COL21A1: variants seen among roughly 807,000 people sequenced by gnomAD.
COL21A1 encodes the protein collagen alpha-1(XXI) chain.
A neutral mutation model predicts 137.9 loss-of-function variants in COL21A1; 149 were observed. That is an observed-to-expected ratio of 1.08 (90% CI 0.95 to 1.24). The LOEUF (loss-of-function observed/expected upper bound fraction) is 1.24. Among genes scored for constraint, COL21A1 ranks in the 50% most tolerant of loss-of-function variants. The pLI is 0.00. For synonymous variants in COL21A1, 456 were observed against 391.5 expected (o/e 1.16, Z -1.95); for missense variants, 1,167 against 1,158.4 (o/e 1.01, Z -0.11).
chr6:56,071,378 G>A (rs143908354), intron 20 of COL21A1, among the ~76,000 whole-genome samples: 2 of 151,710 alleles, frequency 1.3e-5, no homozygotes, highest in South Asian at 4.2e-4. Flanking sequence ...AGGAAAAGTG[G>A]ATAGAGAAAG....
intron 6 of COL21A1, among the ~76,000 whole-genome samples, chr6:56,167,342 T>G (rs938222879): frequency 6.6e-6 from 1 of 152,170 alleles, no homozygotes; most frequent in African/African-American, 2.4e-5. Context: ...ACATTCCTGA[T>G]GGTATAGGGT....
Position 56,174,849 on chromosome 6 carries a change from A to G in COL21A1, c.641-3721T>C, listed in dbSNP as rs1777331408. Among the ~76,000 whole-genome samples, 2 of 152,104 alleles carry G rather than the reference A, an allele frequency of 1.3e-5. 1 individual carries two copies. The highest frequency in any genetic ancestry group is 4.1e-4 in the South Asian group (2 of 4,838). On this transcript the variant is annotated intron_variant, in intron 3 of 29. Transcript: ENST00000244728. Reference sequence around the variant, plus strand: ...GATACCAAAGCCAGAAAAAGATACCATAATAAAATAAAACTACAAGCCAAT... The same window carrying G: ...GATACCAAAGCCAGAAAAAGATACCGTAATAAAATAAAACTACAAGCCAAT...
At chr6:56,206,162 T>C (rs1472898857) in intron 1 of COL21A1, among the ~76,000 whole-genome samples, 1 of 152,150 alleles carries the variant, frequency 6.6e-6, no homozygotes, top group Admixed American at 6.5e-5. Flanking sequence ...ATGGGCTAAA[T>C]GCCCCAATTA....
At chr6:56,095,203 T>C (rs1055116334) in intron 17 of COL21A1, among the ~76,000 whole-genome samples, 37 of 152,310 alleles carry the variant, frequency 2.4e-4, no homozygotes, top group African/African-American at 8.9e-4. Context: ...TTAGATATGT[T>C]CCATTTAAAC....
At chr6:56,133,685 G>T (rs1034664351) in intron 12 of COL21A1, among the ~76,000 whole-genome samples, 2 of 152,112 alleles carry the variant, frequency 1.3e-5, no homozygotes, top group African/African-American at 2.4e-5. Context: ...GTTTTCATGG[G>T]CCAGAGCCAG....
intron 1 of COL21A1, among the ~76,000 whole-genome samples, chr6:56,267,385 C>T (rs1763415852): frequency 6.6e-6 from 1 of 152,128 alleles, no homozygotes; most frequent in Admixed American, 6.5e-5. Flanking sequence ...GAGATGAGCC[C>T]AGCAACTTGA....
At chr6:56,236,897 C>CTCCCAAAA (rs1425463296) in intron 1 of COL21A1, among the ~76,000 whole-genome samples, 2 of 151,966 alleles carry the variant, frequency 1.3e-5, no homozygotes, top group African/African-American at 4.8e-5. Context: ...ATGAAATATA[C>CTCCCAAAA]AGTAATGACT....
intron 17 of COL21A1, among the ~76,000 whole-genome samples, chr6:56,080,305 G>A (rs1281732395): frequency 1.3e-5 from 2 of 151,684 alleles, no homozygotes; most frequent in Non-Finnish European, 1.5e-5. Context: ...CTCTACTTCT[G>A]TGATTTCAGT....
At chr6:56,304,444 T>G (rs1447570738) in intron 1 of COL21A1, among the ~76,000 whole-genome samples, 1 of 152,220 alleles carries the variant, frequency 6.6e-6, no homozygotes, top group Non-Finnish European at 1.5e-5. Flanking sequence ...TTCAACTTCT[T>G]CGTGGTTTAG....
intron 1 of COL21A1, among the ~76,000 whole-genome samples, chr6:56,315,690 G>A (rs200103174): frequency 1.0e-5 from 1 of 95,796 alleles, no homozygotes; most frequent in African/African-American, 3.6e-5. Flanking sequence ...CTCATCTCCC[G>A]CTCCTCCCTC....
intron 1 of COL21A1, chr6:56,276,722 C>T (rs960714844): frequency 7.1e-6 from 10 of 1,405,758 alleles, no homozygotes; most frequent in Non-Finnish European, 1.0e-5. Flanking sequence ...TCACGGCTTC[C>T]TTATAAACAG....
In COL21A1 at chr6:56,164,430, C is replaced by T. The variant is rs761712614; in HGVS notation, c.1364G>A (p.Gly455Asp). 1.9e-6 allele frequency: 3 copies of T among 1,580,216 alleles called. No homozygotes were observed. The highest frequency in any genetic ancestry group is 2.6e-6 in the Non-Finnish European group (3 of 1,161,676). Residue 455 changes from glycine (G) to aspartate (D), a missense_variant, in exon 9 of 30, where the codon GGC becomes GAC. Coordinates refer to ENST00000244728, the MANE Select transcript of COL21A1 (RefSeq NM_030820.4). ...ICPPGKPGLQ[G>D]PKGDPGLPGN... ...AAGTTAGGTGTTACCCACTTTGGGG[C>T]CTTGAAGTCCTGGTTTTCCCGGAGG...
At chr6:56,221,765 T>C (rs566989639) in intron 1 of COL21A1, among the ~76,000 whole-genome samples, 1 of 152,248 alleles carries the variant, frequency 6.6e-6, no homozygotes, top group African/African-American at 2.4e-5. Context: ...TTGGATATTC[T>C]TCTCTGTATC....
chr6:56,256,612 T>C (rs761875270), intron 1 of COL21A1, among the ~76,000 whole-genome samples: 5 of 152,154 alleles, frequency 3.3e-5, no homozygotes, highest in Admixed American at 1.3e-4. Context: ...TACAATATAG[T>C]TCACATTAAA....
At chr6:56,064,647 T>C in intron 23 of COL21A1, 25 bp from the exon 24 acceptor site, 1 of 1,522,126 alleles carries the variant, frequency 6.6e-7, no homozygotes, top group Non-Finnish European at 8.9e-7. Flanking sequence ...AAAACATTAT[T>C]GATTAGTTTG....
At chr6:56,065,940 A>T (rs1268878811) in intron 23 of COL21A1, among the ~76,000 whole-genome samples, 1 of 151,952 alleles carries the variant, frequency 6.6e-6, no homozygotes, top group African/African-American at 2.4e-5. Context: ...AGGACCCCTG[A>T]CAAGAAATAA....
At chr6:56,163,706 C>CAA (rs11317686) in intron 9 of COL21A1, among the ~76,000 whole-genome samples, 1 of 136,446 alleles carries the variant, frequency 7.3e-6, no homozygotes, top group Non-Finnish European at 1.6e-5. Flanking sequence ...GGCTCCGTCT[C>CAA]AAAAAAAAAA....
chr6:56,174,075 A>G (rs1165278787), intron 3 of COL21A1, among the ~76,000 whole-genome samples: 1 of 152,182 alleles, frequency 6.6e-6, no homozygotes, highest in Admixed American at 6.5e-5. Context: ...TAAATAGCAC[A>G]CTTTTGAATA....
intron 1 of COL21A1, among the ~76,000 whole-genome samples, chr6:56,238,141 T>TAAGC (rs1782033192): frequency 6.6e-6 from 1 of 152,044 alleles, no homozygotes; most frequent in African/African-American, 2.4e-5. Flanking sequence ...TACTCTACTA[T>TAAGC]AAGCAGCAAT....
Sources: gnomAD v4.1 joint callset for allele counts (sites outside exome capture counted in the v4.1 genomes callset) on GRCh38, gnomAD v4.1.1 for gene constraint, MANE v1.5 for transcripts, NCBI Gene and HGNC (gene_info 2026-07-23, HGNC 2026-07-21) for gene names.